Variants in KLF13 observed in about 807,000 individuals in gnomAD.
The protein encoded by KLF13 is KLF transcription factor 13, also known as Krueppel-like factor 13.
Under a neutral mutation model 16.7 loss-of-function variants are expected in KLF13, and 8 were observed. The observed-to-expected ratio is 0.48, with a 90% CI of 0.28 to 0.87. The LOEUF is 0.87. KLF13 is among the 40% of genes least tolerant of loss of function. KLF13 has a pLI of 0.10. For synonymous variants in KLF13, 245 were observed against 208.4 expected (o/e 1.18, Z -1.51); for missense variants, 447 against 452.2 (o/e 0.99, Z 0.10).
Position 31,373,434 on chromosome 15 carries a change from C to G in KLF13, c.*1135C>G, listed in dbSNP as rs886114217. 6.6e-6 allele frequency: 1 copy of G among 152,280 alleles called. No individual in the cohort carries two copies. Among genetic ancestry groups the G allele is most frequent in the African/African-American group, 2.4e-5 (1 of 41,470 alleles). The allele number at this position is 152,280 out of a possible 1,614,324, so 9.4% of individuals were successfully genotyped here. A position where few individuals can be genotyped will look rare whatever the true frequency, so the allele number is the denominator to read the frequency against. ...GAAATGCTGTCGGAGAGCGCGCATT[C>G]TATTTCCTCCGCAGGGAATGCCAGA... On this transcript the variant is annotated 3_prime_UTR_variant, in exon 2 of 2. Transcript: ENST00000307145.
At chr15:31,386,743 C>G (rs993968991) in intron 1 of KLF13, among the ~76,000 whole-genome samples, 2 of 152,222 alleles carry the variant, frequency 1.3e-5, no homozygotes, top group Non-Finnish European at 2.9e-5. Context: ...AAAGGACAGG[C>G]TGGCTCTCTT....
At chr15:31,344,066 C>T (rs1333746294) in intron 1 of KLF13, among the ~76,000 whole-genome samples, 2 of 152,122 alleles carry the variant, frequency 1.3e-5, no homozygotes, top group Non-Finnish European at 2.9e-5. Context: ...GTGACTTTGG[C>T]CCTGGGGGAT....
At chr15:31,379,449 A>C (rs1406423021), downstream of KLF13, among the ~76,000 whole-genome samples, 2 of 152,046 alleles carry the variant, frequency 1.3e-5, no homozygotes, top group Non-Finnish European at 2.9e-5. Flanking sequence ...TGACAGGAAA[A>C]AAAAAAAGCC....
chr15:31,364,648 G>A (rs2039437924), intron 1 of KLF13, among the ~76,000 whole-genome samples: 1 of 152,268 alleles, frequency 6.6e-6, no homozygotes, highest in Non-Finnish European at 1.5e-5. Context: ...ATCAACAAAG[G>A]AGTGGAGGTA....
chr15:31,422,757 G>T (rs2040343990), intron 1 of KLF13, among the ~76,000 whole-genome samples: 1 of 152,118 alleles, frequency 6.6e-6, no homozygotes, highest in African/African-American at 2.4e-5. Context: ...ATTTTCAGCT[G>T]GGCGCAGTGG....
At position 31,377,750 on chromosome 15, in the gene KLF13, GT is replaced by G; in HGVS notation, c.*5452del. Reference sequence around the variant, plus strand: ...CCTTGGCTTGCTCGGATAAAACTTTGTATGTATTTTGTATGGCATAGATTCT... The same window carrying G: ...CCTTGGCTTGCTCGGATAAAACTTTGATGTATTTTGTATGGCATAGATTCT... On this transcript the variant is annotated 3_prime_UTR_variant, in exon 2 of 2. Coordinates refer to ENST00000307145, the MANE Select transcript of KLF13 (RefSeq NM_015995.4). The G allele has an allele frequency of 6.5e-6, 1 of 152,672 alleles. No individual in the cohort carries two copies. The highest frequency in any genetic ancestry group is 1.5e-5 in the Non-Finnish European group (1 of 68,020). 9.5% of individuals were successfully genotyped at this position (152,672 alleles called of 1,614,324 possible). A position where few individuals can be genotyped will look rare whatever the true frequency, so the allele number is the denominator to read the frequency against.
chr15:31,407,382 A>G (rs956074905), downstream of KLF13, among the ~76,000 whole-genome samples: 2 of 152,170 alleles, frequency 1.3e-5, no homozygotes, highest in Non-Finnish European at 2.9e-5. Flanking sequence ...CGAGAAAGAT[A>G]AGGGGAGGGG....
chr15:31,390,002 A>G (rs932927021), upstream of KLF13, among the ~76,000 whole-genome samples: 1 of 152,184 alleles, frequency 6.6e-6, no homozygotes, highest in Non-Finnish European at 1.5e-5. Flanking sequence ...TTACAGTGGA[A>G]GTTGAATTTT....
intron 1 of KLF13, chr15:31,339,835 G>C (rs190813109): frequency 1.5e-6 from 1 of 657,642 alleles, no homozygotes; most frequent in Non-Finnish European, 2.8e-6. Flanking sequence ...CTGCTGTCTC[G>C]TGGGAGTGCC....
At chr15:31,387,393 TG>T (rs1483218516) in intron 1 of KLF13, among the ~76,000 whole-genome samples, 12 of 152,346 alleles carry the variant, frequency 7.9e-5, no homozygotes, top group Admixed American at 2.6e-4. Flanking sequence ...CTTAGATGAT[TG>T]TTAGCATTTG....
intron 1 of KLF13, among the ~76,000 whole-genome samples, chr15:31,410,178 G>T (rs1324942916): frequency 6.6e-6 from 1 of 151,952 alleles, no homozygotes; most frequent in East Asian, 1.9e-4. Flanking sequence ...TTGGGAGGTA[G>T]ACTCTGATTA....
intron 1 of KLF13, among the ~76,000 whole-genome samples, chr15:31,332,904 G>A (rs1490189224): frequency 6.6e-6 from 1 of 152,202 alleles, no homozygotes; most frequent in Non-Finnish European, 1.5e-5. Context: ...CATTTGTGGA[G>A]AGGCACATGT....
intron 1 of KLF13, among the ~76,000 whole-genome samples, chr15:31,410,386 T>C (rs1595506120): frequency 6.6e-6 from 1 of 151,736 alleles, no homozygotes; most frequent in African/African-American, 2.4e-5. Flanking sequence ...AAGATTTTAA[T>C]CAAAATCTAT....
At chr15:31,397,327 C>T (rs2039967348) in intron 2 of KLF13, among the ~76,000 whole-genome samples, 1 of 152,182 alleles carries the variant, frequency 6.6e-6, no homozygotes, top group Admixed American at 6.5e-5. Context: ...CGCCCAGCGC[C>T]AGCATAATTA....
chr15:31,403,300 T>C (rs897429049), intron 2 of KLF13: 1 of 152,250 alleles, frequency 6.6e-6, no homozygotes. Flanking sequence ...CGATGAATCA[T>C]GACTCCAGAA....
intron 1 of KLF13, among the ~76,000 whole-genome samples, chr15:31,343,980 G>A (rs2039071878): frequency 6.6e-6 from 1 of 152,214 alleles, no homozygotes; most frequent in African/African-American, 2.4e-5. Context: ...AGACAGGAGA[G>A]CCACGCATTG....
intron 1 of KLF13, 91 bp downstream of exon 1, chr15:31,327,880 G>C: frequency 1.7e-6 from 2 of 1,180,504 alleles, no homozygotes; most frequent in Non-Finnish European, 1.1e-6. Context: ...TGGGGCGCGA[G>C]GTGGGGGCCG....
chr15:31,333,478 A>G (rs987884864), intron 1 of KLF13, among the ~76,000 whole-genome samples: 1 of 152,182 alleles, frequency 6.6e-6, no homozygotes, highest in African/African-American at 2.4e-5. Flanking sequence ...AGGTTGAGGG[A>G]GTAGTATAGT....
At chr15:31,417,124 G>T (rs2040264415) in intron 1 of KLF13, among the ~76,000 whole-genome samples, 1 of 152,128 alleles carries the variant, frequency 6.6e-6, no homozygotes, top group Non-Finnish European at 1.5e-5. Flanking sequence ...CAGCAAAAAG[G>T]CAATCACAAG....
Sources: allele counts gnomAD v4.1 joint callset (sites outside exome capture counted in the v4.1 genomes callset), GRCh38; gene constraint gnomAD v4.1.1; transcripts MANE v1.5; gene names NCBI Gene and HGNC (gene_info 2026-07-23, HGNC 2026-07-21).